Variants in SMAD2 observed in about 807,000 individuals in gnomAD.
SMAD2 encodes the protein SMAD family member 2, also known as MAD homolog 2.
SMAD2 carries 8 observed loss-of-function variants against 64.4 expected under a neutral mutation model. The ratio of observed to expected loss-of-function variants is 0.12; its 90% CI spans 0.07 to 0.22. SMAD2 has a LOEUF of 0.22. SMAD2 is among the 10% of genes least tolerant of loss of function. The pLI, the probability that SMAD2 is intolerant of heterozygous loss-of-function variation, is 1.00. For synonymous variants in SMAD2, 203 were observed against 195.8 expected (o/e 1.04, Z -0.31); for missense variants, 289 against 561.2 (o/e 0.51, Z 4.90).
rs1049400758 is a variant in SMAD2 at position 47,840,666 on chromosome 18, A to C, written c.*1161T>G. On this transcript the variant is annotated 3_prime_UTR_variant, in exon 11 of 11. Transcript: ENST00000262160. ...CATCACTTTTCTAGGTATTTTGCAGAAACAATTACATTTACAAAAGGCCCA... is the reference window on the plus strand; with the variant it reads ...CATCACTTTTCTAGGTATTTTGCAGCAACAATTACATTTACAAAAGGCCCA... 1 of 231,558 alleles carries C rather than the reference A, an allele frequency of 4.3e-6. No individual in the cohort carries two copies. Among genetic ancestry groups the C allele is most frequent in the African/African-American group, 2.2e-5 (1 of 45,286 alleles). The allele number at this position is 231,558 out of a possible 1,614,324, so 14.3% of individuals were successfully genotyped here. A position where few individuals can be genotyped will look rare whatever the true frequency, so the allele number is the denominator to read the frequency against.
chr18:47,856,854 ATT>A (rs758202544), intron 6 of SMAD2, among the ~76,000 whole-genome samples: 50 of 123,274 alleles, frequency 4.1e-4, no homozygotes, highest in African/African-American at 1.2e-3. Context: ...AACTATGCTA[ATT>A]TTTTTTTTTT....
chr18:47,899,985 C>T (rs1437354746), intron 1 of SMAD2, among the ~76,000 whole-genome samples: 1 of 152,150 alleles, frequency 6.6e-6, no homozygotes, highest in Non-Finnish European at 1.5e-5. Context: ...ATGCCACTTA[C>T]TAGCTGCATG....
Position 47,823,835 on chromosome 18 carries a change from TTGTATC to T in SMAD2, c.*17986_*17991del, listed in dbSNP as rs1912655810. ...ATTTTGTGTATTTCCTTTTTAAACTTTGTATCTGTTATTTGCCAAATTTTCTGCAGA... is the reference window on the plus strand; with the variant it reads ...ATTTTGTGTATTTCCTTTTTAAACTTTGTTATTTGCCAAATTTTCTGCAGA... On this transcript the variant is annotated 3_prime_UTR_variant, in exon 11 of 11. Coordinates refer to ENST00000262160, the MANE Select transcript of SMAD2 (RefSeq NM_005901.6). 1 of 152,208 alleles carries T rather than the reference TTGTATC, an allele frequency of 6.6e-6. No homozygotes were observed. Among genetic ancestry groups the T allele is most frequent in the African/African-American group, 2.4e-5 (1 of 41,458 alleles). The allele number at this position is 152,208 out of a possible 1,614,324, so 9.4% of individuals were successfully genotyped here.
rs1041805381 is a variant in SMAD2, at chr18:47,841,525, C to T, written c.*302G>A. 7.5e-5 allele frequency: 35 copies of T among 464,282 alleles called. No homozygotes were observed. Among genetic ancestry groups the T allele is most frequent in the Non-Finnish European group, 1.2e-4 (31 of 250,086 alleles). The allele number at this position is 464,282 out of a possible 1,614,324, so 28.8% of individuals were successfully genotyped here. On this transcript the variant is annotated 3_prime_UTR_variant, in exon 11 of 11. Transcript: ENST00000262160. Reference sequence around the variant, plus strand: ...TGGATCATGATACATTACCTGTACACATAACTACTACTGTTATTAATAAAC... The same window carrying T: ...TGGATCATGATACATTACCTGTACATATAACTACTACTGTTATTAATAAAC...
Position 47,833,866 on chromosome 18 carries a change from TTTACTATGAAAAATGTA to T in SMAD2, c.*7944_*7960del, listed in dbSNP as rs1913157897. On this transcript the variant is annotated 3_prime_UTR_variant, in exon 11 of 11. Coordinates refer to ENST00000262160, the MANE Select transcript of SMAD2 (RefSeq NM_005901.6). ...AGAAATCTGCAACAATTGGTTTCCT[TTTACTATGAAAAATGTA>T]AATTTCAGATTAAGTTTAACCCCAT... 4.4e-6 allele frequency: 1 copy of T among 229,390 alleles called. No individual in the cohort carries two copies. Among genetic ancestry groups the T allele is most frequent in the Admixed American group, 5.7e-5 (1 of 17,614 alleles). The allele number at this position is 229,390 out of a possible 1,614,324, so 14.2% of individuals were successfully genotyped here.
intron 1 of SMAD2, among the ~76,000 whole-genome samples, chr18:47,918,925 T>C (rs1271592955): frequency 6.6e-6 from 1 of 151,796 alleles, no homozygotes; most frequent in African/African-American, 2.4e-5. Context: ...GGGAGTCAAA[T>C]AGATAAATTA....
At chr18:47,914,884 A>C (rs1348492811) in intron 1 of SMAD2, among the ~76,000 whole-genome samples, 1 of 152,156 alleles carries the variant, frequency 6.6e-6, no homozygotes, top group Non-Finnish European at 1.5e-5. Flanking sequence ...CAATGAATTT[A>C]TATTAGTTTA....
chr18:47,843,513 T>A (rs1914176649), intron 10 of SMAD2, among the ~76,000 whole-genome samples: 1 of 152,208 alleles, frequency 6.6e-6, no homozygotes, highest in South Asian at 2.1e-4. Flanking sequence ...TTACTACATT[T>A]CCTCATTTTT....
rs767933446 is a variant in SMAD2, at chr18:47,841,157, CAAA to C, written c.*667_*669del. 1.3e-3 allele frequency: 216 copies of C among 165,692 alleles called. No individual in the cohort carries two copies. The highest frequency in any genetic ancestry group is 7.2e-3 in the African/African-American group (200 of 27,772). 10.3% of individuals were successfully genotyped at this position (165,692 alleles called of 1,614,324 possible). ...AAGATTTAGCAGTTAAAAAAAAAAA[CAAA>C]AAAAAACAAAAAACCACAAAAAGAA... On this transcript the variant is annotated 3_prime_UTR_variant, in exon 11 of 11. Coordinates refer to ENST00000262160, the MANE Select transcript of SMAD2 (RefSeq NM_005901.6).
intron 6 of SMAD2, among the ~76,000 whole-genome samples, chr18:47,856,785 A>G (rs1421349932): frequency 6.6e-6 from 1 of 152,012 alleles, no homozygotes; most frequent in Non-Finnish European, 1.5e-5. Context: ...AACCTTTTAA[A>G]ATTTTAATTT....
intron 2 of SMAD2, among the ~76,000 whole-genome samples, chr18:47,870,831 CCT>C (rs982435646): frequency 6.6e-6 from 1 of 152,102 alleles, no homozygotes; most frequent in African/African-American, 2.4e-5. Flanking sequence ...ATGAATCATA[CCT>C]ATAATGCCCT....
chr18:47,887,461 T>TG (rs1055860363), intron 2 of SMAD2, among the ~76,000 whole-genome samples: 13 of 151,906 alleles, frequency 8.6e-5, no homozygotes, highest in Admixed American at 7.8e-4. Flanking sequence ...CTGTGGAGGT[T>TG]GGAAGTCCAA....
intron 2 of SMAD2, among the ~76,000 whole-genome samples, chr18:47,886,195 T>C (rs1264929783): frequency 6.6e-6 from 1 of 152,230 alleles, no homozygotes; most frequent in Non-Finnish European, 1.5e-5. Context: ...TGACTTTGAT[T>C]GTAAAAGTTT....
intron 2 of SMAD2, among the ~76,000 whole-genome samples, chr18:47,887,453 G>A (rs1187229258): frequency 6.6e-6 from 1 of 151,990 alleles, no homozygotes; most frequent in Non-Finnish European, 1.5e-5. Flanking sequence ...ATGGAGTCCT[G>A]TGGAGGTTGG....
intron 2 of SMAD2, among the ~76,000 whole-genome samples, chr18:47,880,138 T>A (rs2032501259): frequency 6.6e-6 from 1 of 152,232 alleles, no homozygotes; most frequent in Non-Finnish European, 1.5e-5. Flanking sequence ...ATTTTAATAA[T>A]ATGTTTTGTA....
At chr18:47,884,012 AC>A (rs1335357050) in intron 2 of SMAD2, among the ~76,000 whole-genome samples, 2 of 152,146 alleles carry the variant, frequency 1.3e-5, no homozygotes, top group Admixed American at 6.5e-5. Flanking sequence ...CAGCATATGT[AC>A]AGTGTAAAAA....
chr18:47,850,580 T>TATATATATATTATATATATTATGTATA (rs1915297710), intron 7 of SMAD2, among the ~76,000 whole-genome samples: 1 of 26,764 alleles, frequency 3.7e-5, no homozygotes, highest in Non-Finnish European at 5.8e-5. Flanking sequence ...TATTATATAT[T>TATATATATATTATATATATTATGTATA]ATATATATAT....
At chr18:47,891,399 C>G (rs950053770) in intron 2 of SMAD2, among the ~76,000 whole-genome samples, 2 of 152,032 alleles carry the variant, frequency 1.3e-5, no homozygotes, top group Admixed American at 6.6e-5. Context: ...ATACAACGTT[C>G]ACTACAGAGG....
rs1912793993 is a variant in SMAD2, at chr18:47,827,445, A to G, written c.*14382T>C. 6.6e-6 allele frequency: 1 copy of G among 152,224 alleles called. No homozygotes were observed. Among genetic ancestry groups the G allele is most frequent in the African/African-American group, 2.4e-5 (1 of 41,440 alleles). 9.4% of individuals were successfully genotyped at this position (152,224 alleles called of 1,614,324 possible). On this transcript the variant is annotated 3_prime_UTR_variant, in exon 11 of 11. Transcript: ENST00000262160. ...CTTGGTGGCAATAACGGTTAGAAAA[A>G]AAGCACATCCCTCTCCCTCTCCCGT... is the stretch of plus-strand genomic sequence containing the variant.
Sources: allele counts gnomAD v4.1 joint callset (sites outside exome capture counted in the v4.1 genomes callset), GRCh38; gene constraint gnomAD v4.1.1; transcripts MANE v1.5; gene names NCBI Gene and HGNC (gene_info 2026-07-23, HGNC 2026-07-21).